Variants in GPR141 observed in about 807,000 individuals in gnomAD.
GPR141 encodes probable G protein-coupled receptor 141.
A neutral mutation model predicts 6.8 loss-of-function variants in GPR141; 6 were observed. The observed-to-expected ratio is 0.88, with a 90% CI of 0.48 to 1.74. The LOEUF (loss-of-function observed/expected upper bound fraction) is 1.74. Among genes scored for constraint, GPR141 ranks in the 40% most tolerant of loss-of-function variants. The pLI is 0.01. For synonymous variants in GPR141, 140 were observed against 142.3 expected, an observed-to-expected ratio of 0.98 and a Z score of 0.11; for missense variants, 372 against 372.9, an observed-to-expected ratio of 1.00 and a Z score of 0.02.
chr7:37,688,545 G>C (rs1809617021), intron 2 of GPR141, among the ~76,000 whole-genome samples: 1 of 152,214 alleles, frequency 6.6e-6, no homozygotes, highest in East Asian at 1.9e-4. Flanking sequence ...TCCTGGAGGT[G>C]TCCATCATTC....
chr7:37,723,899 A>C (rs1811481441), intron 2 of GPR141, among the ~76,000 whole-genome samples: 1 of 152,248 alleles, frequency 6.6e-6, no homozygotes. Flanking sequence ...TGGTAAGGAG[A>C]TGGACATTCA....
At position 37,740,471 on chromosome 7, in the gene GPR141, A is replaced by G; in HGVS notation, c.78A>G (p.Ile26Met). The G allele has an allele frequency of 1.2e-6, 2 of 1,613,964 alleles. No homozygotes were observed. The highest frequency in any genetic ancestry group is 8.5e-7 in the Non-Finnish European group (1 of 1,179,926). ...CCCACTTAATCAGCCTCTACTTCAT[A>G]GTGCTTATTGGCGGGCTGGTGGGTG... is the stretch of plus-strand genomic sequence containing the variant. The part of the protein sequence containing the change: ...VTPHLISLYF[I>M]VLIGGLVGVI... The change falls in exon 3 of 3, where the codon ATA (isoleucine) becomes ATG (methionine). Residue 26 changes from isoleucine (I) to methionine (M), a missense_variant. Coordinates refer to ENST00000334425, the MANE Select transcript of GPR141 (RefSeq NM_001381946.1).
chr7:37,743,200 G>A lies in GPR141; in HGVS notation c.*1889G>A, dbSNP rs756088650. On this transcript the variant is annotated 3_prime_UTR_variant, in exon 3 of 3. Coordinates refer to ENST00000334425, the MANE Select transcript of GPR141 (RefSeq NM_001381946.1). ...TTTTTTTTCATCAAGGTATATCTTC[G>A]GGATTTAAAAGTTTTTCATAATTTA... Among the ~76,000 whole-genome samples the A allele has an allele frequency of 2.1e-5, 3 of 142,678 alleles. No homozygotes were observed. The highest frequency in any genetic ancestry group is 4.1e-4 in the East Asian group (2 of 4,918). 93.6% of individuals were successfully genotyped at this position (142,678 alleles called of 152,430 possible). A position where few individuals can be genotyped will look rare whatever the true frequency, so the allele number is the denominator to read the frequency against.
At chr7:37,737,641 ATTC>A (rs1424677958) in intron 2 of GPR141, among the ~76,000 whole-genome samples, 1 of 152,020 alleles carries the variant, frequency 6.6e-6, no homozygotes, top group African/African-American at 2.4e-5. Context: ...GCCCAAGAAA[ATTC>A]TTCTTCTTCC....
intron 2 of GPR141, among the ~76,000 whole-genome samples, chr7:37,723,586 T>C (rs1279736770): frequency 6.6e-6 from 1 of 152,200 alleles, no homozygotes; most frequent in African/African-American, 2.4e-5. Flanking sequence ...ATTCTTGCTC[T>C]ATCACATTTT....
At chr7:37,716,282 T>C (rs895230586) in intron 2 of GPR141, among the ~76,000 whole-genome samples, 1 of 152,166 alleles carries the variant, frequency 6.6e-6, no homozygotes, top group African/African-American at 2.4e-5. Context: ...GCTAAATTAA[T>C]AACTATAATC....
chr7:37,686,146 G>A (rs995867208), intron 2 of GPR141, among the ~76,000 whole-genome samples: 5 of 149,162 alleles, frequency 3.4e-5, no homozygotes, highest in Non-Finnish European at 7.4e-5. Flanking sequence ...GTGCAGGTGT[G>A]AGCCACCCTG....
At chr7:37,691,287 CCTTTTTTTTT>C (rs373939708) in intron 2 of GPR141, among the ~76,000 whole-genome samples, 27,657 of 93,484 alleles carry the variant, frequency 0.3, 4,062 homozygotes, top group Middle Eastern at 0.48. Context: ...CAGTCTATAT[CCTTTTTTTTT>C]TTTTTTTTTT....
Position 37,726,081 on chromosome 7 carries a change from T to C in GPR141, c.-14-14299T>C, listed in dbSNP as rs545344489. Among the ~76,000 whole-genome samples, 16 of 152,342 alleles carry C rather than the reference T, an allele frequency of 1.1e-4. No homozygotes were observed. The South Asian group carries it at 2.9e-3, about 28-fold the overall frequency. Reference sequence around the variant, plus strand: ...TCTTTTATTTCCCTCACTGCCACCATGTGGAAACCAATGGGTGTTTTAATT... The same window carrying C: ...TCTTTTATTTCCCTCACTGCCACCACGTGGAAACCAATGGGTGTTTTAATT... On this transcript the variant is annotated intron_variant, in intron 2 of 2. Coordinates refer to ENST00000334425, the MANE Select transcript of GPR141 (RefSeq NM_001381946.1).
At chr7:37,723,601 C>T (rs1299815263) in intron 2 of GPR141, among the ~76,000 whole-genome samples, 1 of 152,150 alleles carries the variant, frequency 6.6e-6, no homozygotes, top group Non-Finnish European at 1.5e-5. Flanking sequence ...CATTTTAGTG[C>T]TTCATGGGCC....
intron 2 of GPR141, among the ~76,000 whole-genome samples, chr7:37,736,387 A>G (rs772028271): frequency 6.6e-6 from 1 of 152,136 alleles, no homozygotes; most frequent in Non-Finnish European, 1.5e-5. Flanking sequence ...AAGAGGAGAT[A>G]ACAGATTGGG....
intron 2 of GPR141, among the ~76,000 whole-genome samples, chr7:37,700,295 TG>T (rs1280400924): frequency 6.6e-6 from 1 of 152,262 alleles, no homozygotes; most frequent in African/African-American, 2.4e-5. Context: ...AGAGGCTAAA[TG>T]TGGAAATCAC....
chr7:37,694,437 C>T (rs1436453926), intron 2 of GPR141, among the ~76,000 whole-genome samples: 1 of 152,240 alleles, frequency 6.6e-6, no homozygotes, highest in Non-Finnish European at 1.5e-5. Flanking sequence ...AGCTCAGGCC[C>T]CAAGGGGCAG....
At chr7:37,730,868 A>G (rs1376402506) in intron 2 of GPR141, among the ~76,000 whole-genome samples, 7 of 152,248 alleles carry the variant, frequency 4.6e-5, no homozygotes, top group Non-Finnish European at 1.5e-5. Flanking sequence ...TTTTTTAGCA[A>G]TGAAGACATT....
intron 2 of GPR141, among the ~76,000 whole-genome samples, chr7:37,689,853 TTTTG>T (rs1250798316): frequency 1.3e-5 from 2 of 151,482 alleles, no homozygotes; most frequent in African/African-American, 4.9e-5. Flanking sequence ...ACAGTTAAGT[TTTTG>T]TTTCATTTCT....
At chr7:37,732,144 C>CTTTTTTT (rs1176520782) in intron 2 of GPR141, among the ~76,000 whole-genome samples, 1 of 127,590 alleles carries the variant, frequency 7.8e-6, no homozygotes. Context: ...TTCTCTCTCT[C>CTTTTTTT]TTTTTTTTTT....
chr7:37,735,496 A>G (rs1401538520), intron 2 of GPR141, among the ~76,000 whole-genome samples: 1 of 152,220 alleles, frequency 6.6e-6, no homozygotes, highest in Non-Finnish European at 1.5e-5. Context: ...CTGTAGCTAA[A>G]ATTACAAAGG....
intron 2 of GPR141, among the ~76,000 whole-genome samples, chr7:37,732,605 C>T (rs747786378): frequency 2.0e-5 from 3 of 152,132 alleles, no homozygotes; most frequent in Non-Finnish European, 2.9e-5. Context: ...TATCAGGACT[C>T]AATTTCAGGA....
chr7:37,721,356 G>T (rs931798909), intron 2 of GPR141, among the ~76,000 whole-genome samples: 1 of 152,124 alleles, frequency 6.6e-6, no homozygotes, highest in Non-Finnish European at 1.5e-5. Context: ...AGGCACTCAG[G>T]ACCTGGTGAC....
Sources: allele counts gnomAD v4.1 joint callset (sites outside exome capture counted in the v4.1 genomes callset), GRCh38; gene constraint gnomAD v4.1.1; transcripts MANE v1.5; gene names NCBI Gene and HGNC (gene_info 2026-07-23, HGNC 2026-07-21).